Variants in CSPP1 observed in about 807,000 individuals in gnomAD.
CSPP1 encodes the protein centrosome and spindle pole-associated protein 1.
A neutral mutation model predicts 164.4 loss-of-function variants in CSPP1; 126 were observed. The observed-to-expected ratio is 0.77, with a 90% CI of 0.66 to 0.89. The LOEUF is 0.89. Ranked by LOEUF, CSPP1 falls within the 40% of genes least tolerant of loss-of-function variation. The pLI is 0.00. For synonymous variants in CSPP1, 472 were observed against 476.7 expected, an observed-to-expected ratio of 0.99 and a Z score of 0.13; for missense variants, 1,395 against 1,449.8, an observed-to-expected ratio of 0.96 and a Z score of 0.61.
chr8:67,177,647 T>G lies in CSPP1; in HGVS notation c.3110-33T>G, dbSNP rs560210615. The G allele has an allele frequency of 2.0e-6, 3 of 1,525,228 alleles. No individual in the cohort carries two copies. The South Asian group carries it at 3.5e-5, about 18-fold the overall frequency. The allele number at this position is 1,525,228 out of a possible 1,614,324, so 94.5% of individuals were successfully genotyped here. ...TTTATATAGTAAGCATTTTCTGACCTTTTAATTTGCTTTTGTTCTCCATTG... is the reference window on the plus strand; with the variant it reads ...TTTATATAGTAAGCATTTTCTGACCGTTTAATTTGCTTTTGTTCTCCATTG... On this transcript the variant is annotated intron_variant, in intron 26 of 30. Coordinates refer to ENST00000678616, the MANE Select transcript of CSPP1 (RefSeq NM_001382391.1).
chr8:67,139,822 A>G (rs1314522696), intron 17 of CSPP1, among the ~76,000 whole-genome samples: 1 of 152,178 alleles, frequency 6.6e-6, no homozygotes, highest in Non-Finnish European at 1.5e-5. Flanking sequence ...GAAGGGGAAC[A>G]TCACACACCG....
chr8:67,187,799 C>A (rs1835092392), intron 28 of CSPP1, among the ~76,000 whole-genome samples: 1 of 152,210 alleles, frequency 6.6e-6, no homozygotes, highest in Admixed American at 6.5e-5. Context: ...AGATAGTCTT[C>A]TCTACAAATA....
chr8:67,095,374 T>G lies in CSPP1; in HGVS notation c.565T>G (p.Ser189Ala). Residue 189 changes from serine (S) to alanine (A), a missense_variant, in exon 7 of 31, where the codon TCA (serine) becomes GCA (alanine). By Grantham distance (99) the Ser-to-Ala change is moderately conservative. Transcript: ENST00000678616. ...TSQIQTSCENSEGPRKDVLTP... is the reference protein window; with the variant it reads ...TSQIQTSCENAEGPRKDVLTP... ...ACAAATACAGACATCTTGTGAAAAT[T>G]CAGAGGGTCCTAGAAAAGATGTCTT... 6.2e-7 allele frequency: 1 copy of G among 1,609,188 alleles called. No homozygotes were observed. Among genetic ancestry groups the G allele is most frequent in the Non-Finnish European group, 8.5e-7 (1 of 1,178,774 alleles).
At chr8:67,138,237 G>T (rs1195681926) in intron 17 of CSPP1, among the ~76,000 whole-genome samples, 1 of 152,058 alleles carries the variant, frequency 6.6e-6, no homozygotes, top group East Asian at 1.9e-4. Flanking sequence ...ATGGGACATT[G>T]GTTCCATGAT....
intron 7 of CSPP1, among the ~76,000 whole-genome samples, chr8:67,100,393 A>T (rs1027905123): frequency 2.6e-4 from 40 of 152,246 alleles, no homozygotes; most frequent in Admixed American, 2.6e-3. Context: ...CCTTGGGTGC[A>T]GTGGTGGTAT....
At chr8:67,092,248 A>G (rs1811766400) in intron 5 of CSPP1, among the ~76,000 whole-genome samples, 1 of 152,158 alleles carries the variant, frequency 6.6e-6, no homozygotes, top group Non-Finnish European at 1.5e-5. Context: ...GCTTTTATAT[A>G]GGGTGAGGGT....
At chr8:67,136,955 A>T (rs1364285921) in intron 16 of CSPP1, among the ~76,000 whole-genome samples, 1 of 151,992 alleles carries the variant, frequency 6.6e-6, no homozygotes, top group Non-Finnish European at 1.5e-5. Flanking sequence ...GGGGCTATGT[A>T]TTCTAGCCAT....
At chr8:67,192,071 T>TG (rs1187335044) in intron 29 of CSPP1, among the ~76,000 whole-genome samples, 2 of 141,864 alleles carry the variant, frequency 1.4e-5, no homozygotes, top group African/African-American at 5.3e-5. Context: ...GATTTGTTTT[T>TG]TTTTTTGTTT....
At chr8:67,164,293 G>T in intron 23 of CSPP1, 98 bp from the exon 24 acceptor site, 1 of 644,948 alleles carries the variant, frequency 1.6e-6, no homozygotes, top group South Asian at 2.1e-5. Context: ...TTGTCTCTCT[G>T]AGCAGTTTCA....
intron 30 of CSPP1, 113 bp from the exon 31 acceptor site, chr8:67,195,269 T>TGAGA: frequency 1.3e-6 from 1 of 763,150 alleles, no homozygotes; most frequent in South Asian, 1.5e-5. Flanking sequence ...GTTCAGGATA[T>TGAGA]GAGACTGTGG....
chr8:67,180,840 G>T (rs1563769965), intron 28 of CSPP1, among the ~76,000 whole-genome samples: 1 of 151,744 alleles, frequency 6.6e-6, no homozygotes, highest in African/African-American at 2.4e-5. Context: ...GATAAGTAAA[G>T]GTACCATGGG....
chr8:67,066,119 G>T (rs530379679), intron 1 of CSPP1, among the ~76,000 whole-genome samples: 1 of 152,168 alleles, frequency 6.6e-6, no homozygotes, highest in South Asian at 2.1e-4. Context: ...ACCATTAAGG[G>T]TGTATTATTA....
intron 1 of CSPP1, among the ~76,000 whole-genome samples, chr8:67,073,204 G>A (rs547769202): frequency 2.6e-5 from 4 of 152,144 alleles, no homozygotes; most frequent in Non-Finnish European, 2.9e-5. Context: ...TAGCAGTTCA[G>A]GAATTAGACA....
chr8:67,130,000 TG>T (rs1383058287), intron 15 of CSPP1, among the ~76,000 whole-genome samples: 4 of 152,254 alleles, frequency 2.6e-5, no homozygotes, highest in African/African-American at 9.6e-5. Flanking sequence ...AGGTTTAAAC[TG>T]TATGAGTCCA....
At chr8:67,107,814 T>A (rs568093247) in intron 9 of CSPP1, among the ~76,000 whole-genome samples, 1 of 152,064 alleles carries the variant, frequency 6.6e-6, no homozygotes. Flanking sequence ...TATTGTGGGG[T>A]TTATAAGAGA....
chr8:67,065,762 C>G (rs1213138204), intron 1 of CSPP1, among the ~76,000 whole-genome samples: 1 of 152,140 alleles, frequency 6.6e-6, no homozygotes, highest in Admixed American at 6.5e-5. Flanking sequence ...CTCCTGACCT[C>G]AAGTGATCCG....
intron 3 of CSPP1, chr8:67,083,548 A>AAAAAAAAAAAAAAAATATATATATAT (rs1332248754): frequency 2.2e-5 from 2 of 91,502 alleles, no homozygotes; most frequent in African/African-American, 8.9e-5. Context: ...AAAAAAAAAA[A>AAAAAAAAAAAAAAAATATATATATAT]ATATATATAT....
At chr8:67,084,428 T>G (rs1809955762) in intron 3 of CSPP1, 1 of 152,170 alleles carries the variant, frequency 6.6e-6, no homozygotes. Flanking sequence ...AATGTTTCAG[T>G]GATGTAGTAA....
chr8:67,086,032 A>G lies in CSPP1; in HGVS notation c.225A>G (p.Pro75=). 1 of 1,480,894 alleles carries G rather than the reference A, an allele frequency of 6.8e-7. No individual in the cohort carries two copies. The highest frequency in any genetic ancestry group is 1.1e-5 in the South Asian group (1 of 88,294). 91.7% of individuals were successfully genotyped at this position (1,480,894 alleles called of 1,614,324 possible). Residue 75 remains proline, a synonymous_variant, in exon 4 of 31, where the codon CCA becomes CCG. Coordinates refer to ENST00000678616, the MANE Select transcript of CSPP1 (RefSeq NM_001382391.1). ...GAATTGATTATGGATTAAGTTTACC[A>G]CTTGGAGAAGACTATGAACGGAAGA... The part of the protein sequence containing the change: ...SLGIDYGLSL[P]LGEDYERKKH...
Sources: allele counts gnomAD v4.1 joint callset (sites outside exome capture counted in the v4.1 genomes callset), GRCh38; gene constraint gnomAD v4.1.1; transcripts MANE v1.5; gene names NCBI Gene and HGNC (gene_info 2026-07-23, HGNC 2026-07-21).